The following CENPP variants were observed in gnomAD, a reference collection of about 807,000 sequenced individuals.
CENPP encodes the protein centromere protein P.
CENPP carries 24 observed loss-of-function variants against 35.6 expected under a neutral mutation model. The ratio of observed to expected loss-of-function variants is 0.67; its 90% CI spans 0.49 to 0.95. The LOEUF (loss-of-function observed/expected upper bound fraction) is 0.95. Among genes scored for constraint, CENPP ranks in the 40% least tolerant of loss-of-function variants. CENPP has a pLI of 0.00. For missense variants in CENPP, 332 were observed against 345.3 expected, an observed-to-expected ratio of 0.96 and a Z score of 0.31; for synonymous variants, 120 against 125.5, an observed-to-expected ratio of 0.96 and a Z score of 0.29.
intron 5 of CENPP, among the ~76,000 whole-genome samples, chr9:92,485,966 T>C (rs1341754891): frequency 7.2e-5 from 11 of 152,226 alleles, no homozygotes; most frequent in Admixed American, 7.2e-4. Flanking sequence ...CAGTCTGTGG[T>C]GTCCTTCACA....
intron 5 of CENPP, among the ~76,000 whole-genome samples, chr9:92,514,215 G>C: frequency 6.7e-6 from 1 of 148,946 alleles, no homozygotes. Context: ...CCCCACCTCA[G>C]CCTCCTGAGT....
intron 5 of CENPP, among the ~76,000 whole-genome samples, chr9:92,554,988 T>C (rs1177082377): frequency 2.0e-5 from 3 of 150,588 alleles, no homozygotes; most frequent in Admixed American, 1.3e-4. Flanking sequence ...CCATCAAGGA[T>C]ATCGGTCTGT....
intron 5 of CENPP, among the ~76,000 whole-genome samples, chr9:92,572,262 G>A (rs1419886787): frequency 6.6e-5 from 10 of 152,082 alleles, no homozygotes; most frequent in Admixed American, 2.6e-4. Flanking sequence ...CTTCCTTCAG[G>A]AGCTCTTGTA....
chr9:92,402,579 C>T (rs1244681755), intron 5 of CENPP, among the ~76,000 whole-genome samples: 2 of 152,068 alleles, frequency 1.3e-5, no homozygotes, highest in Non-Finnish European at 2.9e-5. Context: ...TTAGTTTGCC[C>T]ATAAAGGTGG....
chr9:92,607,447 G>C (rs1003363404), intron 5 of CENPP, among the ~76,000 whole-genome samples: 109 of 152,292 alleles, frequency 7.2e-4, no homozygotes, highest in African/African-American at 2.6e-3. Flanking sequence ...AATAGCTAAA[G>C]GGTACATTTA....
chr9:92,429,768 C>A (rs542487501), intron 5 of CENPP, among the ~76,000 whole-genome samples: 1 of 150,412 alleles, frequency 6.6e-6, no homozygotes, highest in Non-Finnish European at 1.5e-5. Context: ...ACCTGGGTGA[C>A]AAGAACGAAA....
intron 5 of CENPP, among the ~76,000 whole-genome samples, chr9:92,442,301 C>T (rs185046727): frequency 2.7e-5 from 4 of 148,430 alleles, no homozygotes; most frequent in Admixed American, 6.8e-5. Flanking sequence ...GGGAGGCTGA[C>T]GCAGGAGAAT....
intron 5 of CENPP, among the ~76,000 whole-genome samples, chr9:92,533,248 C>T (rs1352768819): frequency 7.6e-6 from 1 of 131,512 alleles, no homozygotes; most frequent in East Asian, 2.3e-4. Context: ...TGCAGTGAGC[C>T]GAGATCACAC....
chr9:92,618,084 C>G lies in CENPP; in HGVS notation c.*4935C>G. On this transcript the variant is annotated 3_prime_UTR_variant, in exon 8 of 8. Transcript: ENST00000375587. ...AGTTTGTCCCTAGGCCTCTAGAGCA[C>G]CACAGTTACTGGAACTTCACAGGTG... 2.7e-6 allele frequency: 1 copy of G among 369,654 alleles called. No individual in the cohort carries two copies. The highest frequency in any genetic ancestry group is 5.4e-6 in the Non-Finnish European group (1 of 185,958). The allele number at this position is 369,654 out of a possible 1,614,324, so 22.9% of individuals were successfully genotyped here. A position where few individuals can be genotyped will look rare whatever the true frequency, so the allele number is the denominator to read the frequency against.
Position 92,416,811 on chromosome 9 carries a change from C to T in CENPP, c.564+36952C>T, listed in dbSNP as rs373370022. 1.1e-5 allele frequency: 17 copies of T among 1,613,552 alleles called. 1 individual carries two copies. Among genetic ancestry groups the T allele is most frequent in the Admixed American group, 3.3e-5 (2 of 59,960 alleles). On this transcript the variant is annotated intron_variant, in intron 5 of 7. Coordinates refer to ENST00000375587, the MANE Select transcript of CENPP (RefSeq NM_001012267.3). ...TTTGGAAGTTTGTCGAAGTATTTTT[C>T]GGGTATAGAAGAAATTGAATTATTT...
rs1564289299 is a variant in CENPP, at chr9:92,385,367, G to A, written c.564+5508G>A. ...TTATATAAAAACATGATTTTTAAAT[G>A]GTAGTCTAGTATAAACTAGGATTTT... On this transcript the variant is annotated intron_variant, in intron 5 of 7. Coordinates refer to ENST00000375587, the MANE Select transcript of CENPP (RefSeq NM_001012267.3). 10 of 336,358 alleles carry A rather than the reference G, an allele frequency of 3.0e-5. No homozygotes were observed. In the East Asian group the frequency reaches 5.0e-4, roughly 17 times the overall value. The allele number at this position is 336,358 out of a possible 1,614,324, so 20.8% of individuals were successfully genotyped here. A position where few individuals can be genotyped will look rare whatever the true frequency, so the allele number is the denominator to read the frequency against.
chr9:92,485,709 C>T (rs1293025738), intron 5 of CENPP, among the ~76,000 whole-genome samples: 1 of 152,196 alleles, frequency 6.6e-6, no homozygotes, highest in Non-Finnish European at 1.5e-5. Flanking sequence ...CAGAGTCTCA[C>T]TCTGTCACCC....
chr9:92,613,237 A>G lies in CENPP; in HGVS notation c.*88A>G. 6.6e-7 allele frequency: 1 copy of G among 1,519,094 alleles called. No homozygotes were observed. The highest frequency in any genetic ancestry group is 9.1e-7 in the Non-Finnish European group (1 of 1,098,460). The allele number at this position is 1,519,094 out of a possible 1,614,324, so 94.1% of individuals were successfully genotyped here. A position where few individuals can be genotyped will look rare whatever the true frequency, so the allele number is the denominator to read the frequency against. On this transcript the variant is annotated 3_prime_UTR_variant, in exon 8 of 8. Coordinates refer to ENST00000375587, the MANE Select transcript of CENPP (RefSeq NM_001012267.3). ...TATAAACATTTGCTATTTTCTGCTT[A>G]GAAACCACACCCTGAAGACGTGCTG...
chr9:92,515,004 C>T (rs182133503), intron 5 of CENPP: 1 of 1,614,164 alleles, frequency 6.2e-7, no homozygotes, highest in East Asian at 2.2e-5. Flanking sequence ...GGGTCTCTCT[C>T]TTTTGCTCTG....
At chr9:92,505,371 G>A (rs532836256) in intron 5 of CENPP, among the ~76,000 whole-genome samples, 2 of 152,000 alleles carry the variant, frequency 1.3e-5, no homozygotes, top group African/African-American at 2.4e-5. Context: ...TCAGAATTTT[G>A]TATTGCTTGA....
chr9:92,391,825 A>G (rs776512645), intron 5 of CENPP, among the ~76,000 whole-genome samples: 7 of 152,206 alleles, frequency 4.6e-5, no homozygotes, highest in Non-Finnish European at 8.8e-5. Context: ...GAGAAAGCCC[A>G]TGAAAGCACA....
In CENPP at chr9:92,593,261, G is replaced by T. The variant is rs1400582739; in HGVS notation, c.565-18053G>T. Among the ~76,000 whole-genome samples, 1 of 152,356 alleles carries T rather than the reference G, an allele frequency of 6.6e-6. No individual in the cohort carries two copies. The highest frequency in any genetic ancestry group is 2.1e-4 in the South Asian group (1 of 4,824). On this transcript the variant is annotated intron_variant, in intron 5 of 7. Transcript: ENST00000375587. This position sits in a 1 kb window ranked among gnomAD's most constrained non-coding sequence, Gnocchi z 4.1. ...TCACCAGAAGAAGGGAGATGAGAAG[G>T]CTCACTGGACAAAGAAAAACAGACT...
chr9:92,393,734 A>G (rs1028696499), intron 5 of CENPP, among the ~76,000 whole-genome samples: 2 of 151,940 alleles, frequency 1.3e-5, no homozygotes, highest in Non-Finnish European at 2.9e-5. Context: ...CTCTTGGAAC[A>G]TTCCTTAGTC....
chr9:92,511,292 A>T (rs371535019), intron 5 of CENPP, among the ~76,000 whole-genome samples: 1 of 151,820 alleles, frequency 6.6e-6, no homozygotes, highest in East Asian at 1.9e-4. Flanking sequence ...CGCTCGGCTA[A>T]TTTTTTGTAT....
Sources: allele counts gnomAD v4.1 joint callset (sites outside exome capture counted in the v4.1 genomes callset), GRCh38; gene constraint gnomAD v4.1.1; non-coding constraint Gnocchi (gnomAD v3.1); transcripts MANE v1.5; gene names NCBI Gene and HGNC (gene_info 2026-07-23, HGNC 2026-07-21).